Variants in TACC2 observed in about 807,000 individuals in gnomAD.
The protein encoded by TACC2 is transforming acidic coiled-coil containing protein 2, also known as transforming acidic coiled-coil-containing protein 2.
In TACC2, 137 loss-of-function variants were observed where a neutral mutation model predicts 227.3. That is an observed-to-expected ratio of 0.60 (90% CI 0.52 to 0.69). The LOEUF (loss-of-function observed/expected upper bound fraction) is 0.69, where lower values mean the gene tolerates loss of function less well. Among genes scored for constraint, TACC2 ranks in the 30% least tolerant of loss-of-function variants. TACC2 has a pLI of 0.00. For synonymous variants in TACC2, 1,523 were observed against 1,487.5 expected (o/e 1.02, Z -0.55); for missense variants, 3,470 against 3,694.4 (o/e 0.94, Z 1.57).
rs192386132 is a variant in TACC2 at position 122,178,340 on chromosome 10, G to A, written c.5835-16700G>A. Among the ~76,000 whole-genome samples the A allele has an allele frequency of 8.4e-4, 127 of 151,212 alleles. 1 individual carries two copies. Among genetic ancestry groups the A allele is most frequent in the Non-Finnish European group, 1.5e-3 (104 of 67,882 alleles). On this transcript the variant is annotated intron_variant, in intron 7 of 22. Coordinates refer to ENST00000369005, the MANE Select transcript of TACC2 (RefSeq NM_206862.4). ...CAACCTCCACCTCCCAGGTCCAAGCGATTCTCCTGCTTCAGCCTCCCTAGT... is the reference window on the plus strand; with the variant it reads ...CAACCTCCACCTCCCAGGTCCAAGCAATTCTCCTGCTTCAGCCTCCCTAGT...
intron 8 of TACC2, among the ~76,000 whole-genome samples, chr10:122,201,339 A>C (rs992533282): frequency 1.4e-5 from 2 of 145,566 alleles, no homozygotes; most frequent in African/African-American, 5.0e-5. Context: ...TCACATGGGG[A>C]AGACAGCCAC....
intron 7 of TACC2, among the ~76,000 whole-genome samples, chr10:122,184,509 C>T (rs567905117): frequency 2.9e-4 from 44 of 152,344 alleles, no homozygotes; most frequent in African/African-American, 9.6e-4. Context: ...TTTGGAAGAA[C>T]TTGCTGAGCA....
intron 7 of TACC2, among the ~76,000 whole-genome samples, chr10:122,185,188 T>C (rs1426929149): frequency 2.8e-5 from 4 of 144,446 alleles, no homozygotes; most frequent in African/African-American, 7.7e-5. Context: ...TTTTCTTTCT[T>C]TTTTTTTTTT....
intron 8 of TACC2, among the ~76,000 whole-genome samples, chr10:122,196,940 A>AC (rs1427551084): frequency 6.9e-6 from 1 of 144,352 alleles, no homozygotes; most frequent in Non-Finnish European, 1.5e-5. Context: ...TCTCAAAAAA[A>AC]AAAAAAAAAA....
Position 122,210,445 on chromosome 10 carries a change from C to G in TACC2, c.6020C>G (p.Ser2007Trp), listed in dbSNP as rs376162843. Residue 2007 changes from serine (S) to tryptophan (W), a missense_variant, in exon 9 of 23, where the codon TCG becomes TGG. Physicochemically the swap from Ser to Trp is radical, Grantham distance 177 (BLOSUM62 -3). Coordinates refer to ENST00000369005, the MANE Select transcript of TACC2 (RefSeq NM_206862.4). The surrounding 1 kb of genome is among the most constrained non-coding windows in gnomAD (Gnocchi z 4.6). ...GTCCCTGATGGCCCACGGAGCGACT[C>G]GGTGGAAGGAAGTCCCTTCCGTCCC... is the stretch of plus-strand genomic sequence containing the variant. ...VPVPDGPRSDSVEGSPFRPPS... is the reference protein window; with the variant it reads ...VPVPDGPRSDWVEGSPFRPPS... 1.1e-5 allele frequency: 18 copies of G among 1,614,112 alleles called. No individual in the cohort carries two copies. The African/African-American group carries it at 1.9e-4, about 17-fold the overall frequency.
intron 5 of TACC2, among the ~76,000 whole-genome samples, chr10:122,106,908 A>T (rs2082869454): frequency 6.6e-6 from 1 of 152,204 alleles, no homozygotes; most frequent in African/African-American, 2.4e-5. Flanking sequence ...GTGTGGCCAG[A>T]TGCTCCCCTC....
rs752013684 is a variant in TACC2 at position 122,210,349 on chromosome 10, C to T, written c.5972-48C>T. ...TTTTGGTACAAGAGGAGAGGTGCCC[C>T]AATGCGTCCTGTGTCTGTAATTGAT... On this transcript the variant is annotated intron_variant, in intron 8 of 22. Transcript: ENST00000369005. This position sits in a 1 kb window ranked among gnomAD's most constrained non-coding sequence, Gnocchi z 4.6. 23 of 1,445,988 alleles carry T rather than the reference C, an allele frequency of 1.6e-5. No homozygotes were observed. Among genetic ancestry groups the T allele is most frequent in the Non-Finnish European group, 2.0e-5 (21 of 1,028,276 alleles). The allele number at this position is 1,445,988 out of a possible 1,614,324, so 89.6% of individuals were successfully genotyped here.
intron 18 of TACC2, 139 bp from the exon 19 acceptor site, chr10:122,241,819 G>C: frequency 1.3e-6 from 1 of 769,810 alleles, no homozygotes; most frequent in Non-Finnish European, 2.3e-6. Flanking sequence ...AAATGAGCGT[G>C]CAGGGCGAGG....
rs368173512 is a variant in TACC2, at chr10:122,085,029, C to T, written c.2529C>T (p.Asp843=). 2.4e-5 allele frequency: 38 copies of T among 1,614,198 alleles called. No individual in the cohort carries two copies. The highest frequency in any genetic ancestry group is 5.0e-5 in the Admixed American group (3 of 60,024). Residue 843 remains aspartate (D), a synonymous_variant, in exon 4 of 23, where the codon GAC becomes GAT. Coordinates refer to ENST00000369005, the MANE Select transcript of TACC2 (RefSeq NM_206862.4). ...CACAACCAGAGACATCCATCTTTGACGTGCTCAAGGAGCAGGCCCAGCCAC... is the reference window on the plus strand; with the variant it reads ...CACAACCAGAGACATCCATCTTTGATGTGCTCAAGGAGCAGGCCCAGCCAC... ...SQAQPETSIF[D]VLKEQAQPPE... is the part of the protein sequence containing the mutation.
Position 122,194,040 on chromosome 10 carries a change from C to G in TACC2, c.5835-1000C>G, listed in dbSNP as rs2094490888. Reference sequence around the variant, plus strand: ...TTAAGTGATCCTCCTGCCTCACCCTCCCTAGTAGCTGAGACCATAGGCACA... The same window carrying G: ...TTAAGTGATCCTCCTGCCTCACCCTGCCTAGTAGCTGAGACCATAGGCACA... On this transcript the variant is annotated intron_variant, in intron 7 of 22. Coordinates refer to ENST00000369005, the MANE Select transcript of TACC2 (RefSeq NM_206862.4). This position sits in a 1 kb window ranked among gnomAD's most constrained non-coding sequence, Gnocchi z 4.4. Among the ~76,000 whole-genome samples, 1 of 152,210 alleles carries G rather than the reference C, an allele frequency of 6.6e-6. No homozygotes were observed. Among genetic ancestry groups the G allele is most frequent in the African/African-American group, 2.4e-5 (1 of 41,440 alleles).
chr10:122,250,353 T>G (rs958111970), intron 22 of TACC2, among the ~76,000 whole-genome samples: 2 of 152,210 alleles, frequency 1.3e-5, no homozygotes, highest in African/African-American at 2.4e-5. Flanking sequence ...TTCCAGTCAA[T>G]TTCCTGAGCC....
At chr10:121,998,972 T>C (rs1416703282) in intron 1 of TACC2, among the ~76,000 whole-genome samples, 3 of 152,090 alleles carry the variant, frequency 2.0e-5, no homozygotes, top group Non-Finnish European at 4.4e-5. Flanking sequence ...CCTGGAAAGG[T>C]ACAAATGTAT....
At chr10:122,096,518 A>G (rs933965297) in intron 5 of TACC2, among the ~76,000 whole-genome samples, 8 of 152,080 alleles carry the variant, frequency 5.3e-5, no homozygotes, top group Non-Finnish European at 8.8e-5. Context: ...CCAACATGGT[A>G]AAACCCTGTC....
intron 6 of TACC2, among the ~76,000 whole-genome samples, chr10:122,137,007 C>CT (rs891474800): frequency 5.3e-5 from 8 of 151,458 alleles, no homozygotes; most frequent in South Asian, 2.1e-4. Context: ...TTCAAGAGCT[C>CT]TTTTTTTTTC....
rs1326738386 is a variant in TACC2 at position 122,032,874 on chromosome 10, G to A, written c.33+10860G>A. On this transcript the variant is annotated intron_variant, in intron 2 of 22. Transcript: ENST00000369005. ...CTTGGGAGGCTGAGATAGGAGAATC[G>A]CTTGAACCTGGCAGGCGCAGTTTGT... is the stretch of plus-strand genomic sequence containing the variant. Among the ~76,000 whole-genome samples, 6 of 152,136 alleles carry A rather than the reference G, an allele frequency of 3.9e-5. No individual in the cohort carries two copies. The East Asian group carries it at 5.8e-4, about 15-fold the overall frequency.
intron 1 of TACC2, among the ~76,000 whole-genome samples, chr10:121,990,230 G>A (rs1347066543): frequency 6.6e-6 from 1 of 151,756 alleles, no homozygotes; most frequent in Non-Finnish European, 1.5e-5. Context: ...CCCACCAGGA[G>A]CAATCCTCTC....
rs1306340181 is a variant in TACC2, at chr10:122,053,812, A to G, written c.146+3262A>G. Reference sequence around the variant, plus strand: ...CCCTTGGCCTCATTGGACAACCAGCATTTTCTCTTCAAAGGATGTAAGTTT... The same window carrying G: ...CCCTTGGCCTCATTGGACAACCAGCGTTTTCTCTTCAAAGGATGTAAGTTT... On this transcript the variant is annotated intron_variant, in intron 3 of 22. Coordinates refer to ENST00000369005, the MANE Select transcript of TACC2 (RefSeq NM_206862.4). Among the ~76,000 whole-genome samples the G allele has an allele frequency of 2.6e-5, 4 of 152,096 alleles. No individual in the cohort carries two copies. In the East Asian group the frequency reaches 5.8e-4, roughly 22 times the overall value.
chr10:122,096,232 T>C (rs2081372673), intron 5 of TACC2, among the ~76,000 whole-genome samples: 1 of 152,154 alleles, frequency 6.6e-6, no homozygotes, highest in Non-Finnish European at 1.5e-5. Flanking sequence ...GGCCTCCCAT[T>C]GCACCTGGGG....
In TACC2 at chr10:122,083,686, C is replaced by G. The variant is rs2079790783; in HGVS notation, c.1186C>G (p.Gln396Glu). Reference sequence around the variant, plus strand: ...AGTTGTCTGTGTGGCAGCAGGCGGCCAGCCCGAAGGGGGTTTGCCTGTGAG... The same window carrying G: ...AGTTGTCTGTGTGGCAGCAGGCGGCGAGCCCGAAGGGGGTTTGCCTGTGAG... ...NQVVCVAAGGQPEGGLPVSPE... is the reference protein window; with the variant it reads ...NQVVCVAAGGEPEGGLPVSPE... The change falls in exon 4 of 23, where the codon CAG (glutamine) becomes GAG (glutamate). Residue 396 changes from glutamine (Q) to glutamate (E), a missense_variant. Physicochemically the swap from Gln to Glu is conservative, Grantham distance 29. Transcript: ENST00000369005. 2 of 1,612,546 alleles carry G rather than the reference C, an allele frequency of 1.2e-6. No homozygotes were observed. Among genetic ancestry groups the G allele is most frequent in the African/African-American group, 2.7e-5 (2 of 74,924 alleles).
Sources: gnomAD v4.1 joint callset for allele counts (sites outside exome capture counted in the v4.1 genomes callset) on GRCh38, gnomAD v4.1.1 for gene constraint, Gnocchi (gnomAD v3.1) non-coding constraint, MANE v1.5 for transcripts, NCBI Gene and HGNC (gene_info 2026-07-23, HGNC 2026-07-21) for gene names.